The following CTNNA3 variants were observed in gnomAD, a reference collection of about 807,000 sequenced individuals.
CTNNA3 encodes the protein catenin alpha 3, also known as catenin alpha-3.
Under a neutral mutation model 95.7 loss-of-function variants are expected in CTNNA3, and 76 were observed. The observed-to-expected ratio is 0.79, with a 90% confidence interval of 0.66 to 0.96. The LOEUF is 0.96. Ranked by LOEUF, CTNNA3 falls within the 40% of genes least tolerant of loss-of-function variation. The pLI, the probability that CTNNA3 is intolerant of heterozygous loss-of-function variation, is 0.00. For synonymous variants in CTNNA3, 431 were observed against 374.4 expected (o/e 1.15, Z -1.74); for missense variants, 1,191 against 1,089.8 (o/e 1.09, Z -1.31).
At chr10:67,550,063 GGC>G (rs1178086167) in intron 3 of CTNNA3, among the ~76,000 whole-genome samples, 3 of 151,910 alleles carry the variant, frequency 2.0e-5, no homozygotes, top group Non-Finnish European at 4.4e-5. Flanking sequence ...ATATAAATGT[GGC>G]CCTAAAAATT....
chr10:66,412,355 G>T (rs1403416871), intron 11 of CTNNA3, among the ~76,000 whole-genome samples: 4 of 151,998 alleles, frequency 2.6e-5, no homozygotes, highest in Non-Finnish European at 5.9e-5. Context: ...AGGCCACAAG[G>T]TTGAGAGGCC....
At chr10:67,720,129 C>CTTTTTTTTTTTTTTTT (rs58074397) in intron 1 of CTNNA3, among the ~76,000 whole-genome samples, 105 of 6,612 alleles carry the variant, frequency 0.016, 45 homozygotes, top group African/African-American at 0.025. Context: ...GCAACCCCTG[C>CTTTTTTTTTTTTTTTT]TTTTTTTTTT....
intron 7 of CTNNA3, among the ~76,000 whole-genome samples, chr10:66,796,087 C>A (rs1374883669): frequency 1.3e-5 from 2 of 152,076 alleles, no homozygotes; most frequent in Non-Finnish European, 1.5e-5. Context: ...TTCACTGGAG[C>A]AGAACTGGAA....
intron 3 of CTNNA3, among the ~76,000 whole-genome samples, chr10:67,579,388 C>A (rs907187067): frequency 5.3e-5 from 8 of 152,022 alleles, no homozygotes; most frequent in African/African-American, 1.9e-4. Context: ...TCAACCCATC[C>A]TTTTTTATGG....
intron 7 of CTNNA3, among the ~76,000 whole-genome samples, chr10:66,877,269 G>A (rs925736869): frequency 1.3e-5 from 2 of 152,148 alleles, no homozygotes; most frequent in African/African-American, 4.8e-5. Flanking sequence ...GCCCCAAAAC[G>A]TAATGCCAAC....
intron 1 of CTNNA3, among the ~76,000 whole-genome samples, chr10:67,725,909 A>G (rs1012513432): frequency 2.3e-5 from 3 of 132,326 alleles, no homozygotes; most frequent in Non-Finnish European, 4.7e-5. Context: ...ATATAATTAT[A>G]TATTGTACAT....
chr10:66,808,187 T>C (rs1467484686), intron 7 of CTNNA3, among the ~76,000 whole-genome samples: 3 of 152,146 alleles, frequency 2.0e-5, no homozygotes, highest in Admixed American at 6.6e-5. Context: ...CAGTGTGCTG[T>C]GACTGCTAAG....
intron 5 of CTNNA3, among the ~76,000 whole-genome samples, chr10:67,340,212 T>G (rs1904631): frequency 0.01 from 1,550 of 152,304 alleles, 26 homozygotes; most frequent in African/African-American, 0.033. Context: ...TAAGTTTGCT[T>G]ATTGTATTTT....
At chr10:66,166,395 G>A (rs2131819524) in intron 13 of CTNNA3, among the ~76,000 whole-genome samples, 1 of 151,374 alleles carries the variant, frequency 6.6e-6, no homozygotes, top group East Asian at 2.0e-4. Flanking sequence ...CTGGGAGGCT[G>A]AAGCATGAGA....
intron 10 of CTNNA3, among the ~76,000 whole-genome samples, chr10:66,551,883 ATCTTT>A (rs1842227443): frequency 6.9e-6 from 1 of 145,284 alleles, no homozygotes; most frequent in South Asian, 2.2e-4. Context: ...GGATTAGGGA[ATCTTT>A]TCTTTTCCTT....
In CTNNA3 at chr10:66,773,262, G is replaced by A. The variant is rs1160211700; in HGVS notation, c.1128+2182C>T. On this transcript the variant is annotated intron_variant, in intron 8 of 17. Transcript: ENST00000433211. ...CATACCACTTCTCCTACAACAGACAGAACTTCTGCCTACTCCTATTGAACT... is the reference window on the plus strand; with the variant it reads ...CATACCACTTCTCCTACAACAGACAAAACTTCTGCCTACTCCTATTGAACT... 5.3e-5 allele frequency among the ~76,000 whole-genome samples: 8 copies of A among 151,622 alleles called. No homozygotes were observed. In the East Asian group the frequency reaches 1.5e-3, roughly 29 times the overall value.
rs1477564680 is a variant in CTNNA3 at position 66,644,852 on chromosome 10, A to C, written c.1282-23068T>G. 2.6e-5 allele frequency among the ~76,000 whole-genome samples: 4 copies of C among 152,142 alleles called. No individual in the cohort carries two copies. In the East Asian group the frequency reaches 7.7e-4, roughly 29 times the overall value. ...AGTCAAGATGTTGAACAGTTCCCAC[A>C]CCACAAGAGTATTCATGTTGCCTTT... is the stretch of plus-strand genomic sequence containing the variant. On this transcript the variant is annotated intron_variant, in intron 9 of 17. Transcript: ENST00000433211.
chr10:66,221,291 T>G (rs1225394911), intron 13 of CTNNA3, among the ~76,000 whole-genome samples: 1 of 152,190 alleles, frequency 6.6e-6, no homozygotes, highest in African/African-American at 2.4e-5. Flanking sequence ...GAAGGCCCAG[T>G]TCACTAGCTA....
chr10:67,028,838 C>T (rs1450617381), intron 7 of CTNNA3, among the ~76,000 whole-genome samples: 1 of 152,032 alleles, frequency 6.6e-6, no homozygotes, highest in African/African-American at 2.4e-5. Context: ...GATAGGAAAT[C>T]CCTGAGTAGA....
chr10:67,071,643 T>C (rs1195972472), intron 7 of CTNNA3, among the ~76,000 whole-genome samples: 1 of 152,218 alleles, frequency 6.6e-6, no homozygotes, highest in East Asian at 1.9e-4. Context: ...AACTTGTGTG[T>C]GGCGGTCTTT....
chr10:66,272,858 A>G (rs981166468), intron 13 of CTNNA3, among the ~76,000 whole-genome samples: 10 of 152,162 alleles, frequency 6.6e-5, no homozygotes, highest in African/African-American at 2.4e-4. Flanking sequence ...AGTGAATGCC[A>G]GAAACCTCGG....
intron 1 of CTNNA3, among the ~76,000 whole-genome samples, chr10:67,748,107 A>T (rs1475567576): frequency 6.6e-6 from 1 of 152,200 alleles, no homozygotes; most frequent in East Asian, 1.9e-4. Context: ...GGACTACATA[A>T]AAAGATCGAA....
At chr10:67,495,661 G>A (rs1360631278) in intron 5 of CTNNA3, among the ~76,000 whole-genome samples, 2 of 152,132 alleles carry the variant, frequency 1.3e-5, no homozygotes, top group African/African-American at 4.8e-5. Flanking sequence ...ACATGGAAGA[G>A]GCAGTATAAC....
intron 13 of CTNNA3, among the ~76,000 whole-genome samples, chr10:66,219,996 A>G (rs964743499): frequency 2.6e-5 from 4 of 151,974 alleles, no homozygotes; most frequent in African/African-American, 9.7e-5. Flanking sequence ...GGTGGTGCGC[A>G]CCTCTAATCC....
Sources: gnomAD v4.1 joint callset for allele counts (sites outside exome capture counted in the v4.1 genomes callset) on GRCh38, gnomAD v4.1.1 for gene constraint, MANE v1.5 for transcripts, NCBI Gene and HGNC (gene_info 2026-07-23, HGNC 2026-07-21) for gene names.